TENM1: variants seen among roughly 807,000 people sequenced by gnomAD.
TENM1 encodes teneurin-1.
TENM1 carries 35 observed loss-of-function variants against 174.8 expected under a neutral mutation model. That is an observed-to-expected ratio of 0.20 (90% CI 0.15 to 0.27). TENM1 has a LOEUF of 0.27. TENM1 is among the 10% of genes least tolerant of loss of function. TENM1 has a pLI of 1.00. For missense variants in TENM1, 1,633 were observed against 2,130.1 expected (o/e 0.77, Z 4.59); for synonymous variants, 781 against 798.7 (o/e 0.98, Z 0.37).
the TENM1 span, among the ~76,000 whole-genome samples, chrX:125,039,825 C>CTTTTTTTTTTTTTTT: frequency 3.6e-5 from 4 of 111,383 alleles, no homozygotes; most frequent in African/African-American, 1.3e-4. Flanking sequence ...TGAGCCTTTT[C>CTTTTTTTTTTTTTTT]TTATTAACCT....
At chrX:124,902,192 A>T (rs188021868) in intron 1 of TENM1, among the ~76,000 whole-genome samples, 1 of 112,229 alleles carries the variant, frequency 8.9e-6, no homozygotes. Flanking sequence ...GTAATGGTCA[A>T]TGTGTTCAAA....
intron 22 of TENM1, among the ~76,000 whole-genome samples, chrX:124,471,239 AATATATAATAAT>A (rs1362842671): frequency 1.6e-5 from 1 of 63,874 alleles, no homozygotes; most frequent in South Asian, 7.9e-4. Flanking sequence ...TACTATATAT[AATATATAATAAT>A]ATATATTATA....
At chrX:124,950,272 A>G (rs1430438386) in intron 1 of TENM1, among the ~76,000 whole-genome samples, 1 of 111,979 alleles carries the variant, frequency 8.9e-6, no homozygotes, top group Admixed American at 9.4e-5. Context: ...AGCAACAAAT[A>G]CATCAAAACA....
chrX:124,963,910 C>T (rs5958635), upstream of TENM1: 22,984 of 461,523 alleles, frequency 0.05, 3,687 homozygotes, highest in African/African-American at 0.49. Flanking sequence ...CTGATAATAC[C>T]ATCAAAGGAG....
chrX:124,409,214 T>C (rs2060501541), intron 25 of TENM1, among the ~76,000 whole-genome samples: 1 of 110,857 alleles, frequency 9.0e-6, no homozygotes, highest in Non-Finnish European at 1.9e-5. Flanking sequence ...CAAATGGTAT[T>C]TCTAGTTCTA....
chrX:124,532,594 C>A (rs1465284883), intron 15 of TENM1, among the ~76,000 whole-genome samples: 1 of 111,802 alleles, frequency 8.9e-6, no homozygotes, highest in South Asian at 3.8e-4. Flanking sequence ...ATTCAAGACA[C>A]TGTCTACCTG....
chrX:124,539,313 G>C (rs2048271427), intron 15 of TENM1, among the ~76,000 whole-genome samples: 1 of 111,096 alleles, frequency 9.0e-6, no homozygotes, highest in Non-Finnish European at 1.9e-5. Flanking sequence ...TCCTCAGAGA[G>C]GTGTCCCTGG....
At position 124,900,028 on chromosome X, in the gene TENM1, G is replaced by C. The variant is rs1426339134; in HGVS notation, c.218-3787C>G. On this transcript the variant is annotated intron_variant, in intron 1 of 31. Coordinates refer to ENST00000422452, the Ensembl canonical transcript of TENM1. ...AAAGTTAAAGCCATACTTACCAAAA[G>C]AGCAATTGGACTCTTGGACATTTAT... 2.7e-5 allele frequency among the ~76,000 whole-genome samples: 3 copies of C among 112,402 alleles called. No homozygotes were observed. The East Asian group carries it at 8.3e-4, about 31-fold the overall frequency.
At chrX:124,808,514 C>A (rs928168374) in intron 3 of TENM1, among the ~76,000 whole-genome samples, 2 of 112,084 alleles carry the variant, frequency 1.8e-5, no homozygotes, top group Non-Finnish European at 3.8e-5. Flanking sequence ...TTTCATCTGA[C>A]AGAAGCAGAA....
Position 124,649,853 on chromosome X carries a change from A to C in TENM1, c.1579+2061T>G, listed in dbSNP as rs769714767. Among the ~76,000 whole-genome samples, 300 of 111,590 alleles carry C rather than the reference A, an allele frequency of 2.7e-3. 1 individual carries two copies. The highest frequency in any genetic ancestry group is 4.5e-3 in the Non-Finnish European group (238 of 53,194). Reference sequence around the variant, plus strand: ...AATTCATACAAATCTGACTTTGTTTAATCAAGTATATTGGCTTCTTTTTAC... The same window carrying C: ...AATTCATACAAATCTGACTTTGTTTCATCAAGTATATTGGCTTCTTTTTAC... On this transcript the variant is annotated intron_variant, in intron 8 of 31. Transcript: ENST00000422452.
chrX:124,881,701 TTTGTTGTTG>T (rs745628080), intron 3 of TENM1, among the ~76,000 whole-genome samples: 6 of 109,672 alleles, frequency 5.5e-5, no homozygotes, highest in East Asian at 2.8e-4. Context: ...TCCCATAGTT[TTTGTTGTTG>T]TTGTTGTTGT....
intron 11 of TENM1, among the ~76,000 whole-genome samples, chrX:124,587,175 T>C (rs1312795559): frequency 1.0e-4 from 11 of 109,818 alleles, no homozygotes; most frequent in Non-Finnish European, 1.5e-4. Flanking sequence ...CTTCACACAA[T>C]TGGAAAAAAC....
the TENM1 span, among the ~76,000 whole-genome samples, chrX:124,978,013 AGAGAGAGAG>A: frequency 1.7e-4 from 15 of 87,209 alleles, no homozygotes; most frequent in African/African-American, 5.6e-4. Flanking sequence ...AGAGAGAGAG[AGAGAGAGAG>A]ATCTTTTTCC....
At chrX:124,438,937 A>AT (rs1320370836) in intron 23 of TENM1, among the ~76,000 whole-genome samples, 1 of 112,121 alleles carries the variant, frequency 8.9e-6, no homozygotes, top group Non-Finnish European at 1.9e-5. Flanking sequence ...GTCTCATTGC[A>AT]TTGTTTCTCC....
chrX:124,717,906 A>G (rs1021089790), intron 4 of TENM1, among the ~76,000 whole-genome samples: 3 of 112,286 alleles, frequency 2.7e-5, no homozygotes, highest in Non-Finnish European at 5.6e-5. Context: ...TGGATGATGG[A>G]AATTGTAGTT....
At chrX:124,839,065 A>G (rs1377483889) in intron 3 of TENM1, among the ~76,000 whole-genome samples, 1 of 111,753 alleles carries the variant, frequency 8.9e-6, no homozygotes, top group Non-Finnish European at 1.9e-5. Flanking sequence ...AGCAGAGGAA[A>G]TAGATAATCT....
At chrX:125,089,042 A>C in the TENM1 span, among the ~76,000 whole-genome samples, 1 of 111,171 alleles carries the variant, frequency 9.0e-6, no homozygotes, top group Non-Finnish European at 1.9e-5. Context: ...TGGGATGCCA[A>C]AAAGAGGGAT....
the TENM1 span, among the ~76,000 whole-genome samples, chrX:125,166,392 T>G: frequency 9.0e-6 from 1 of 111,065 alleles, no homozygotes; most frequent in African/African-American, 3.3e-5. Context: ...AACTGGAAAA[T>G]AGAGTCCTGG....
At chrX:124,927,832 C>G (rs2058113162) in intron 1 of TENM1, among the ~76,000 whole-genome samples, 2 of 111,623 alleles carry the variant, frequency 1.8e-5, no homozygotes, top group African/African-American at 6.5e-5. Context: ...AGACAAATAC[C>G]TAAAGACAAA....
Sources: gnomAD v4.1 joint callset for allele counts (sites outside exome capture counted in the v4.1 genomes callset) on GRCh38, gnomAD v4.1.1 for gene constraint, MANE v1.5 for transcripts, NCBI Gene and HGNC (gene_info 2026-07-23, HGNC 2026-07-21) for gene names.